Variants in CTNNA3 observed in about 807,000 individuals in gnomAD.
The protein encoded by CTNNA3 is catenin alpha 3, also known as catenin alpha-3.
Under a neutral mutation model 95.7 loss-of-function variants are expected in CTNNA3, and 76 were observed. That is an observed-to-expected ratio of 0.79 (90% CI 0.66 to 0.96). The LOEUF (loss-of-function observed/expected upper bound fraction) is 0.96. CTNNA3 is among the 40% of genes least tolerant of loss of function. CTNNA3 has a pLI of 0.00. For synonymous variants in CTNNA3, 431 were observed against 374.4 expected, an observed-to-expected ratio of 1.15 and a Z score of -1.74; for missense variants, 1,191 against 1,089.8, an observed-to-expected ratio of 1.09 and a Z score of -1.31.
chr10:66,728,198 C>T (rs1027506333), intron 9 of CTNNA3, among the ~76,000 whole-genome samples: 7 of 152,116 alleles, frequency 4.6e-5, no homozygotes, highest in African/African-American at 1.7e-4. Flanking sequence ...CCCAGTCTAG[C>T]TTGTAGTTGG....
intron 5 of CTNNA3, among the ~76,000 whole-genome samples, chr10:67,421,511 A>C (rs1030434414): frequency 3.9e-5 from 6 of 152,188 alleles, no homozygotes; most frequent in African/African-American, 1.4e-4. Context: ...GACTACCCAC[A>C]AGGGCACCTT....
chr10:66,078,520 C>T (rs1241062684), intron 14 of CTNNA3, among the ~76,000 whole-genome samples: 1 of 151,816 alleles, frequency 6.6e-6, no homozygotes, highest in African/African-American at 2.4e-5. Context: ...ACACTATATT[C>T]GCACTCTACA....
At chr10:67,141,806 A>G (rs1169140527) in intron 7 of CTNNA3, among the ~76,000 whole-genome samples, 1 of 152,152 alleles carries the variant, frequency 6.6e-6, no homozygotes, top group African/African-American at 2.4e-5. Flanking sequence ...TAAAACACCA[A>G]ATTAACTGGA....
intron 16 of CTNNA3, among the ~76,000 whole-genome samples, chr10:65,976,315 T>A (rs1397492633): frequency 2.6e-5 from 4 of 152,130 alleles, no homozygotes; most frequent in Non-Finnish European, 5.9e-5. Context: ...ACTATACAAC[T>A]CTGATAAAAT....
At chr10:66,062,686 G>T (rs908021113) in intron 15 of CTNNA3, among the ~76,000 whole-genome samples, 2 of 152,110 alleles carry the variant, frequency 1.3e-5, no homozygotes, top group Non-Finnish European at 2.9e-5. Flanking sequence ...TCAAGCACAA[G>T]AGATTATCAG....
intron 5 of CTNNA3, among the ~76,000 whole-genome samples, chr10:67,296,998 A>G (rs1840066727): frequency 6.6e-6 from 1 of 151,424 alleles, no homozygotes; most frequent in African/African-American, 2.4e-5. Context: ...AGCAAATTAA[A>G]TAGTCAGCAA....
intron 13 of CTNNA3, among the ~76,000 whole-genome samples, chr10:66,250,991 G>A (rs1288637304): frequency 6.6e-6 from 1 of 152,160 alleles, no homozygotes; most frequent in African/African-American, 2.4e-5. Flanking sequence ...ATATTGCCCT[G>A]CCTTGTAGAC....
chr10:66,586,012 T>TA (rs1273575707), intron 10 of CTNNA3, among the ~76,000 whole-genome samples: 1 of 152,140 alleles, frequency 6.6e-6, no homozygotes, highest in African/African-American at 2.4e-5. Flanking sequence ...CTGGGTGGTT[T>TA]CAAGTGGCAA....
chr10:67,233,288 G>T (rs1193562005), intron 5 of CTNNA3, among the ~76,000 whole-genome samples: 3 of 151,812 alleles, frequency 2.0e-5, no homozygotes. Context: ...AAATGTAAAA[G>T]AACAGAAATT....
At chr10:66,027,838 A>C (rs570824224) in intron 15 of CTNNA3, among the ~76,000 whole-genome samples, 1 of 152,228 alleles carries the variant, frequency 6.6e-6, no homozygotes, top group African/African-American at 2.4e-5. Context: ...GCCAAAATTT[A>C]TCTCTCAAGC....
chr10:66,878,015 T>C (rs1052195674), intron 7 of CTNNA3, among the ~76,000 whole-genome samples: 2 of 152,150 alleles, frequency 1.3e-5, no homozygotes, highest in African/African-American at 4.8e-5. Flanking sequence ...AAGGAAAATG[T>C]AGTTTCAATA....
intron 10 of CTNNA3, among the ~76,000 whole-genome samples, chr10:66,539,345 G>C (rs1022298817): frequency 1.3e-5 from 2 of 152,066 alleles, no homozygotes; most frequent in African/African-American, 4.8e-5. Flanking sequence ...ATTTACATAA[G>C]ATTAATGAAT....
chr10:66,601,781 G>C (rs930155773), intron 10 of CTNNA3, among the ~76,000 whole-genome samples: 28 of 151,764 alleles, frequency 1.8e-4, no homozygotes, highest in African/African-American at 6.0e-4. Flanking sequence ...AATAGACTTA[G>C]TGACATTCAT....
chr10:67,173,208 T>A (rs548320232), intron 7 of CTNNA3, among the ~76,000 whole-genome samples: 4 of 152,334 alleles, frequency 2.6e-5, no homozygotes, highest in African/African-American at 9.6e-5. Context: ...ATTTCCTTTA[T>A]AAGGGATTCC....
intron 3 of CTNNA3, among the ~76,000 whole-genome samples, chr10:67,575,177 C>T (rs138072588): frequency 0.017 from 2,547 of 152,046 alleles, 62 homozygotes; most frequent in Non-Finnish European, 0.018. Flanking sequence ...TTGGGTTATG[C>T]GTTTCCTATA....
At chr10:66,055,921 C>CAAAAAAA (rs386371652) in intron 15 of CTNNA3, among the ~76,000 whole-genome samples, 1 of 60,220 alleles carries the variant, frequency 1.7e-5, no homozygotes, top group Admixed American at 2.1e-4. Flanking sequence ...GACTCCATCT[C>CAAAAAAA]AAAAAAAAAA....
chr10:67,297,058 C>A (rs1434822130), intron 5 of CTNNA3, among the ~76,000 whole-genome samples: 2 of 149,692 alleles, frequency 1.3e-5, no homozygotes, highest in Non-Finnish European at 3.0e-5. Context: ...TATTGTTGAG[C>A]TTTGTATGAC....
chr10:66,866,026 G>T (rs1029328956), intron 7 of CTNNA3, among the ~76,000 whole-genome samples: 7 of 151,954 alleles, frequency 4.6e-5, no homozygotes, highest in Admixed American at 1.3e-4. Flanking sequence ...TCACAGAAAT[G>T]CAAAAAAATC....
chr10:67,170,611 C>CA (rs1448934738), intron 7 of CTNNA3, among the ~76,000 whole-genome samples: 1 of 152,074 alleles, frequency 6.6e-6, no homozygotes, highest in Non-Finnish European at 1.5e-5. Flanking sequence ...ACACTGGACT[C>CA]TTCTTGAGGG....
Sources: gnomAD v4.1 joint callset for allele counts (sites outside exome capture counted in the v4.1 genomes callset) on GRCh38, gnomAD v4.1.1 for gene constraint, MANE v1.5 for transcripts, NCBI Gene and HGNC (gene_info 2026-07-23, HGNC 2026-07-21) for gene names.